The following PRMT8 variants were observed in gnomAD, a reference collection of about 807,000 sequenced individuals.
PRMT8 encodes protein arginine N-methyltransferase 8.
Under a neutral mutation model 47.1 loss-of-function variants are expected in PRMT8, and 7 were observed. The observed-to-expected ratio is 0.15, with a 90% CI of 0.08 to 0.28. The LOEUF is 0.28. Ranked by LOEUF, PRMT8 falls within the 10% of genes least tolerant of loss-of-function variation. The probability of loss-of-function intolerance (pLI) is 1.00; values close to 1 mark genes in which losing one functional copy is unlikely to be tolerated. For synonymous variants in PRMT8, 188 were observed against 186.5 expected, an observed-to-expected ratio of 1.01 and a Z score of -0.07; for missense variants, 237 against 505.4, an observed-to-expected ratio of 0.47 and a Z score of 5.09.
At chr12:3,523,007 GA>G (rs35608987) in intron 1 of PRMT8, among the ~76,000 whole-genome samples, 117,054 of 151,252 alleles carry the variant, frequency 0.77, 45,822 homozygotes, top group Non-Finnish European at 0.84. Context: ...GAGCCTGATA[GA>G]AAAAAAAAAT....
chr12:3,488,261 A>G (rs901508132), upstream of PRMT8, among the ~76,000 whole-genome samples: 5 of 152,094 alleles, frequency 3.3e-5, no homozygotes, highest in Admixed American at 2.0e-4. Context: ...ATAAAATTTA[A>G]CTCATGTGCC....
chr12:3,470,286 G>T (rs893787386), intron 1 of PRMT8, among the ~76,000 whole-genome samples: 9 of 152,178 alleles, frequency 5.9e-5, no homozygotes, highest in Admixed American at 5.9e-4. Context: ...AGTCCTCTGG[G>T]CATCCAGGGC....
chr12:3,588,725 G>C (rs1323579631), intron 8 of PRMT8, among the ~76,000 whole-genome samples: 3 of 152,240 alleles, frequency 2.0e-5, no homozygotes, highest in Non-Finnish European at 4.4e-5. Context: ...TAGAAGAAAA[G>C]CTGCCTAAAG....
chr12:3,522,307 T>C (rs1865891332), intron 1 of PRMT8, among the ~76,000 whole-genome samples: 1 of 152,144 alleles, frequency 6.6e-6, no homozygotes, highest in Non-Finnish European at 1.5e-5. Context: ...ACTCAAACCC[T>C]GTCTCTGAAG....
chr12:3,574,405 C>T (rs1164473135), intron 6 of PRMT8, among the ~76,000 whole-genome samples: 1 of 152,258 alleles, frequency 6.6e-6, no homozygotes, highest in African/African-American at 2.4e-5. Context: ...TTCAGTAGGT[C>T]TGGCGTGGGC....
At chr12:3,497,806 C>T (rs1865532080) in intron 1 of PRMT8, among the ~76,000 whole-genome samples, 1 of 152,146 alleles carries the variant, frequency 6.6e-6, no homozygotes, top group Admixed American at 6.6e-5. Context: ...TTATATTGAG[C>T]AAACAGCTTG....
intron 1 of PRMT8, chr12:3,381,553 C>A: frequency 1.0e-6 from 1 of 999,494 alleles, no homozygotes; most frequent in Non-Finnish European, 1.5e-6. Flanking sequence ...TTGTCATCTG[C>A]AGAGCCTGCT....
chr12:3,390,618 T>C (rs1393027441), intron 1 of PRMT8, among the ~76,000 whole-genome samples: 1 of 152,186 alleles, frequency 6.6e-6, no homozygotes, highest in Non-Finnish European at 1.5e-5. Flanking sequence ...GGTAAGTTAC[T>C]TACCCAAGGT....
chr12:3,390,334 C>A (rs1439644508), intron 1 of PRMT8, among the ~76,000 whole-genome samples: 1 of 152,212 alleles, frequency 6.6e-6, no homozygotes, highest in Non-Finnish European at 1.5e-5. Flanking sequence ...CTGCTGTTTT[C>A]TGTTCCTCCT....
At chr12:3,486,421 A>C (rs1173721218), upstream of PRMT8, among the ~76,000 whole-genome samples, 1 of 152,182 alleles carries the variant, frequency 6.6e-6, no homozygotes, top group Admixed American at 6.5e-5. Context: ...GTGCAGAGAT[A>C]AGTCTCTTCA....
At chr12:3,446,494 GT>G (rs1864856755) in intron 1 of PRMT8, among the ~76,000 whole-genome samples, 1 of 152,172 alleles carries the variant, frequency 6.6e-6, no homozygotes, top group African/African-American at 2.4e-5. Flanking sequence ...ACCAGCCGAG[GT>G]TGCCACCAAC....
intron 4 of PRMT8, among the ~76,000 whole-genome samples, chr12:3,555,467 C>G (rs911616985): frequency 6.6e-6 from 1 of 152,154 alleles, no homozygotes; most frequent in Non-Finnish European, 1.5e-5. Flanking sequence ...AAGATCATGC[C>G]GTGTGGCCAG....
rs747784634 is a variant in PRMT8 at position 3,576,998 on chromosome 12, C to T, written c.828+12C>T. ...CCTGTTTGATAAAGGTCTGGACACT[C>T]ATCCGGGGTGGACCTGGGTGTGCTG... On this transcript the variant is annotated intron_variant, in intron 7 of 9. Coordinates refer to ENST00000382622, the MANE Select transcript of PRMT8 (RefSeq NM_019854.5). This position sits in a 1 kb window ranked among gnomAD's most constrained non-coding sequence, Gnocchi z 4.0. 6.2e-6 allele frequency: 10 copies of T among 1,608,912 alleles called. No homozygotes were observed. The highest frequency in any genetic ancestry group is 4.0e-5 in the African/African-American group (3 of 74,840).
chr12:3,467,466 A>G (rs1865112581), intron 1 of PRMT8, among the ~76,000 whole-genome samples: 1 of 151,916 alleles, frequency 6.6e-6, no homozygotes, highest in South Asian at 2.1e-4. Context: ...GGCAGAGACA[A>G]CTTTAAAGTG....
chr12:3,494,626 C>A (rs543030841), intron 1 of PRMT8, among the ~76,000 whole-genome samples: 1 of 152,096 alleles, frequency 6.6e-6, no homozygotes, highest in Non-Finnish European at 1.5e-5. Flanking sequence ...AGAAAGTGTT[C>A]GTTCAAAAGC....
chr12:3,489,831 A>G (rs540243893), upstream of PRMT8, among the ~76,000 whole-genome samples: 1,412 of 101,448 alleles, frequency 0.014, 23 homozygotes, highest in African/African-American at 0.042. Flanking sequence ...ACACACACAC[A>G]CACGCGCGCA....
chr12:3,411,144 G>T (rs371705973), intron 1 of PRMT8, among the ~76,000 whole-genome samples: 27 of 152,296 alleles, frequency 1.8e-4, no homozygotes, highest in African/African-American at 5.8e-4. Flanking sequence ...TGGGGTGTTT[G>T]CCAGGCTTCC....
chr12:3,590,689 A>G (rs1299972688), intron 8 of PRMT8, among the ~76,000 whole-genome samples: 1 of 151,980 alleles, frequency 6.6e-6, no homozygotes, highest in East Asian at 1.9e-4. Context: ...AACCAAGAGG[A>G]ACTTCCTGTA....
rs147315941 is a variant in PRMT8 at position 3,477,086 on chromosome 12, G to T, written c.49-63520G>T. 1.1e-3 allele frequency among the ~76,000 whole-genome samples: 171 copies of T among 152,298 alleles called. No individual in the cohort carries two copies. The East Asian group carries it at 0.017, about 15-fold the overall frequency. On this transcript the variant is annotated intron_variant, in intron 1 of 9. Transcript: ENST00000452611. ...GAATGAGGAGAAGCTTAAAGTTGGG[G>T]TGATGAGAACTGGGGGGCTGCAGAC...
Sources: allele counts gnomAD v4.1 joint callset (sites outside exome capture counted in the v4.1 genomes callset), GRCh38; gene constraint gnomAD v4.1.1; non-coding constraint Gnocchi (gnomAD v3.1); transcripts MANE v1.5; gene names NCBI Gene and HGNC (gene_info 2026-07-23, HGNC 2026-07-21).